LRBA: variants seen among roughly 807,000 people sequenced by gnomAD.
LRBA encodes the protein lipopolysaccharide-responsive and beige-like anchor protein.
A neutral mutation model predicts 330.0 loss-of-function variants in LRBA; 176 were observed. The observed-to-expected ratio is 0.53, with a 90% CI of 0.47 to 0.60. The LOEUF (loss-of-function observed/expected upper bound fraction) is 0.60, where lower values mean the gene tolerates loss of function less well. Ranked by LOEUF, LRBA falls within the 20% of genes least tolerant of loss-of-function variation. The probability of loss-of-function intolerance (pLI) is 0.00; values close to 1 mark genes in which losing one functional copy is unlikely to be tolerated. For missense variants in LRBA, 3,259 were observed against 3,444.8 expected (o/e 0.95, Z 1.35); for synonymous variants, 1,230 against 1,193.0 (o/e 1.03, Z -0.64).
chr4:150,421,090 A>T (rs1195292423), intron 46 of LRBA, among the ~76,000 whole-genome samples: 1 of 59,642 alleles, frequency 1.7e-5, no homozygotes, highest in Non-Finnish European at 2.8e-5. Flanking sequence ...ACATTATAAT[A>T]TATATAAAGT....
At chr4:150,489,228 T>C (rs555372710) in intron 41 of LRBA, among the ~76,000 whole-genome samples, 8 of 58,104 alleles carry the variant, frequency 1.4e-4, no homozygotes, top group African/African-American at 6.1e-4. Flanking sequence ...ATATATAATA[T>C]ATTATATATA....
Position 150,768,927 on chromosome 4 carries a change from C to CTTTTT in LRBA, c.5581-7085_5581-7081dup, listed in dbSNP as rs70941440. 5.3e-4 allele frequency among the ~76,000 whole-genome samples: 40 copies of CTTTTT among 75,026 alleles called. 3 individuals carry two copies. Among genetic ancestry groups the CTTTTT allele is most frequent in the African/African-American group, 2.0e-3 (40 of 19,666 alleles). The allele number at this position is 75,026 out of a possible 152,430, so 49.2% of individuals were successfully genotyped here. ...TAGGGATTTTATCAAGTGCTGTCTC[C>CTTTTT]TTTTTTTTTTTTTTTTTTTTTTTTT... On this transcript the variant is annotated intron_variant, in intron 34 of 56. Transcript: ENST00000651943.
chr4:150,762,179 T>C (rs1735183427), intron 34 of LRBA, among the ~76,000 whole-genome samples: 1 of 151,944 alleles, frequency 6.6e-6, no homozygotes, highest in African/African-American at 2.4e-5. Context: ...GGTTTTGGCT[T>C]TGTTTTTCCA....
intron 34 of LRBA, among the ~76,000 whole-genome samples, chr4:150,774,292 A>C (rs1736973584): frequency 6.6e-6 from 1 of 152,128 alleles, no homozygotes; most frequent in African/African-American, 2.4e-5. Flanking sequence ...TGTGATAAGA[A>C]TTTGGCATCT....
Position 151,014,519 on chromosome 4 carries a change from T to C in LRBA, c.124A>G (p.Arg42Gly), listed in dbSNP as rs1745214535. 6.2e-7 allele frequency: 1 copy of C among 1,614,168 alleles called. No homozygotes were observed. The highest frequency in any genetic ancestry group is 8.5e-7 in the Non-Finnish European group (1 of 1,179,994). Residue 42 changes from arginine (R) to glycine (G), a missense_variant, in exon 2 of 57, where the codon AGG becomes GGG. Arg to Gly is a moderately radical substitution (Grantham distance 125). Coordinates refer to ENST00000651943, the MANE Select transcript of LRBA (RefSeq NM_001364905.1). ...ACGGCAAATTTCATTCTGATGCCCC[T>C]GATGGGGAGCCCTGGTTTCAGAGAC... Reference protein sequence around the residue: ...ALSLKPGLPIRGIRMKFAVLT... With the variant: ...ALSLKPGLPIGGIRMKFAVLT...
intron 37 of LRBA, among the ~76,000 whole-genome samples, chr4:150,625,113 T>C (rs765064167): frequency 2.0e-5 from 3 of 152,154 alleles, no homozygotes; most frequent in Non-Finnish European, 4.4e-5. Context: ...GGGTGAGAAG[T>C]GCTATTACTT....
At chr4:150,267,435 AC>A (rs869139262) in intron 56 of LRBA, among the ~76,000 whole-genome samples, 90 of 83,630 alleles carry the variant, frequency 1.1e-3, no homozygotes, top group African/African-American at 3.6e-3. Context: ...GTCAAAAAAA[AC>A]AAACAACAAC....
chr4:150,268,508 A>C (rs1745656460), intron 56 of LRBA, among the ~76,000 whole-genome samples: 1 of 152,264 alleles, frequency 6.6e-6, no homozygotes, highest in Non-Finnish European at 1.5e-5. Context: ...GATACAAAAT[A>C]CTAGCAAACT....
chr4:150,899,319 G>A (rs867685365), intron 14 of LRBA, among the ~76,000 whole-genome samples: 7 of 152,142 alleles, frequency 4.6e-5, no homozygotes, highest in Non-Finnish European at 8.8e-5. Flanking sequence ...CAAAGGAAGC[G>A]AATATGTGAA....
chr4:151,008,100 G>C (rs1744332222), intron 2 of LRBA, among the ~76,000 whole-genome samples: 1 of 147,642 alleles, frequency 6.8e-6, no homozygotes, highest in South Asian at 2.2e-4. Flanking sequence ...TTCTTTTTGA[G>C]ACAGAGTTTC....
intron 40 of LRBA, among the ~76,000 whole-genome samples, chr4:150,496,418 G>A (rs1759598545): frequency 6.6e-6 from 1 of 151,432 alleles, no homozygotes; most frequent in African/African-American, 2.4e-5. Flanking sequence ...TGAATACTAG[G>A]GATTTTTAAA....
At chr4:150,874,624 G>C (rs1233561094) in intron 17 of LRBA, among the ~76,000 whole-genome samples, 2 of 152,130 alleles carry the variant, frequency 1.3e-5, no homozygotes, top group South Asian at 2.1e-4. Context: ...GTCATTGCTG[G>C]GTGCTCCAGC....
chr4:150,480,059 C>T (rs1425207631), intron 42 of LRBA, among the ~76,000 whole-genome samples: 3 of 152,164 alleles, frequency 2.0e-5, no homozygotes, highest in Admixed American at 6.5e-5. Flanking sequence ...GTTTCCACCA[C>T]GAATATGTTT....
chr4:150,834,311 T>C (rs778743781), intron 28 of LRBA, among the ~76,000 whole-genome samples: 1 of 152,228 alleles, frequency 6.6e-6, no homozygotes, highest in Non-Finnish European at 1.5e-5. Flanking sequence ...AATTACTATC[T>C]ATAGCAGCTA....
intron 52 of LRBA, among the ~76,000 whole-genome samples, chr4:150,303,182 A>C (rs1282591156): frequency 6.6e-6 from 1 of 152,206 alleles, no homozygotes; most frequent in Non-Finnish European, 1.5e-5. Context: ...AATTAAACTT[A>C]GTTGCTTTTC....
chr4:150,480,428 T>C (rs1190315980), intron 42 of LRBA, among the ~76,000 whole-genome samples: 1 of 152,026 alleles, frequency 6.6e-6, no homozygotes, highest in Non-Finnish European at 1.5e-5. Context: ...ATCCTTAATC[T>C]ATAGATTTAA....
At chr4:150,781,394 A>G (rs1245223494) in intron 34 of LRBA, among the ~76,000 whole-genome samples, 1 of 152,226 alleles carries the variant, frequency 6.6e-6, no homozygotes, top group Non-Finnish European at 1.5e-5. Flanking sequence ...AACAGGGTTC[A>G]TGCTCTGATG....
chr4:150,312,209 G>A (rs2126886587), intron 51 of LRBA, among the ~76,000 whole-genome samples: 1 of 152,132 alleles, frequency 6.6e-6, no homozygotes, highest in East Asian at 1.9e-4. Flanking sequence ...TATTTTCTAA[G>A]CAAGTGCTTA....
chr4:150,595,594 C>G (rs145494422), intron 38 of LRBA, among the ~76,000 whole-genome samples: 1 of 151,966 alleles, frequency 6.6e-6, no homozygotes, highest in East Asian at 1.9e-4. Context: ...GAATTAAAAC[C>G]AATCTTTCTA....
Sources: allele counts gnomAD v4.1 joint callset (sites outside exome capture counted in the v4.1 genomes callset), GRCh38; gene constraint gnomAD v4.1.1; transcripts MANE v1.5; gene names NCBI Gene and HGNC (gene_info 2026-07-23, HGNC 2026-07-21).